The following SLC24A2 variants were observed in gnomAD, a reference collection of about 807,000 sequenced individuals.
The protein encoded by SLC24A2 is sodium/potassium/calcium exchanger 2.
In SLC24A2, 36 loss-of-function variants were observed where a neutral mutation model predicts 62.0. That is an observed-to-expected ratio of 0.58 (90% CI 0.44 to 0.77). The LOEUF (loss-of-function observed/expected upper bound fraction) is 0.77, where lower values mean the gene tolerates loss of function less well. Among genes scored for constraint, SLC24A2 ranks in the 30% least tolerant of loss-of-function variants. The pLI is 0.00. For missense variants in SLC24A2, 846 were observed against 817.9 expected, an observed-to-expected ratio of 1.03 and a Z score of -0.42; for synonymous variants, 358 against 294.0, an observed-to-expected ratio of 1.22 and a Z score of -2.23.
At chr9:20,253,933 G>C in the SLC24A2 span, among the ~76,000 whole-genome samples, 1 of 152,132 alleles carries the variant, frequency 6.6e-6, no homozygotes. Flanking sequence ...ATGTGGCTTG[G>C]GGTTGGTAAA....
chr9:20,273,979 C>A, the SLC24A2 span, among the ~76,000 whole-genome samples: 19 of 152,274 alleles, frequency 1.2e-4, no homozygotes, highest in South Asian at 3.9e-3. Context: ...CAGTCATGAG[C>A]CTTGTGATGG....
In SLC24A2 at chr9:19,679,265, C is replaced by T. The variant is rs191877997; in HGVS notation, c.931-56966G>A. Among the ~76,000 whole-genome samples the T allele has an allele frequency of 5.9e-5, 9 of 152,270 alleles. 1 individual carries two copies. In the East Asian group the frequency reaches 1.7e-3, roughly 29 times the overall value. On this transcript the variant is annotated intron_variant, in intron 2 of 10. Coordinates refer to ENST00000341998, the MANE Select transcript of SLC24A2 (RefSeq NM_020344.4). ...TCAATATTGGTTATCTCTAAGGATG[C>T]ATAAAGGTTTATTTCTATTACTTCC...
intron 2 of SLC24A2, among the ~76,000 whole-genome samples, chr9:19,651,924 G>A (rs909805397): frequency 4.6e-5 from 7 of 152,060 alleles, no homozygotes; most frequent in Non-Finnish European, 5.9e-5. Context: ...TCGACCACAC[G>A]GGTTTCCTCC....
chr9:19,573,661 C>G (rs1457595467), intron 6 of SLC24A2, among the ~76,000 whole-genome samples, 192 bp from the exon 7 acceptor site: 1 of 152,076 alleles, frequency 6.6e-6, no homozygotes, highest in Non-Finnish European at 1.5e-5. Context: ...AGGCCCAGGG[C>G]TGATATTGAG....
the SLC24A2 span, among the ~76,000 whole-genome samples, chr9:20,087,164 C>T: frequency 6.6e-6 from 1 of 152,176 alleles, no homozygotes; most frequent in African/African-American, 2.4e-5. Context: ...TAGAGACAGA[C>T]ATTAGTTCAT....
At chr9:20,012,461 G>A in the SLC24A2 span, among the ~76,000 whole-genome samples, 2 of 152,192 alleles carry the variant, frequency 1.3e-5, no homozygotes, top group African/African-American at 4.8e-5. Flanking sequence ...AAAATGAAAT[G>A]TGGGTGGGGA....
chr9:19,828,599 G>A, the SLC24A2 span, among the ~76,000 whole-genome samples: 1 of 152,202 alleles, frequency 6.6e-6, no homozygotes, highest in East Asian at 1.9e-4. Context: ...TTCACATTGG[G>A]ACTGGGCAAA....
chr9:20,195,073 A>G, the SLC24A2 span, among the ~76,000 whole-genome samples: 1 of 152,088 alleles, frequency 6.6e-6, no homozygotes, highest in East Asian at 1.9e-4. Context: ...TTTCTTCCCC[A>G]GCTCATGTTG....
At chr9:20,160,623 C>A in the SLC24A2 span, among the ~76,000 whole-genome samples, 1 of 150,828 alleles carries the variant, frequency 6.6e-6, no homozygotes, top group African/African-American at 2.4e-5. Context: ...TCAAAAAAAC[C>A]ATTTCATGTA....
chr9:19,853,112 C>T, the SLC24A2 span, among the ~76,000 whole-genome samples: 5 of 147,430 alleles, frequency 3.4e-5, no homozygotes, highest in African/African-American at 1.1e-4. Context: ...ATTTGGCCCT[C>T]TACTTATCTG....
At chr9:20,200,057 G>C in the SLC24A2 span, among the ~76,000 whole-genome samples, 2 of 151,866 alleles carry the variant, frequency 1.3e-5, no homozygotes, top group Non-Finnish European at 2.9e-5. Flanking sequence ...AATGAATATA[G>C]TCAGATCCTT....
chr9:19,921,484 G>C, the SLC24A2 span, among the ~76,000 whole-genome samples: 1 of 141,650 alleles, frequency 7.1e-6, no homozygotes, highest in Non-Finnish European at 1.5e-5. Flanking sequence ...CCACTGCACT[G>C]TCTCCAGCCT....
chr9:20,084,807 C>G, the SLC24A2 span, among the ~76,000 whole-genome samples: 1 of 152,058 alleles, frequency 6.6e-6, no homozygotes, highest in African/African-American at 2.4e-5. Flanking sequence ...GTACCATGAG[C>G]CTGATTATGC....
At chr9:20,026,811 A>G in the SLC24A2 span, among the ~76,000 whole-genome samples, 1 of 152,162 alleles carries the variant, frequency 6.6e-6, no homozygotes, top group Non-Finnish European at 1.5e-5. Context: ...CAACAAAAGC[A>G]AAAAACAGAC....
the SLC24A2 span, among the ~76,000 whole-genome samples, chr9:20,208,163 A>G: frequency 6.6e-6 from 1 of 152,200 alleles, no homozygotes; most frequent in African/African-American, 2.4e-5. Context: ...CCCTTAGGAA[A>G]TGTGTGCAGG....
chr9:20,290,025 C>A, the SLC24A2 span, among the ~76,000 whole-genome samples: 1 of 152,074 alleles, frequency 6.6e-6, no homozygotes, highest in Non-Finnish European at 1.5e-5. Context: ...TGCCCCAACC[C>A]TGGCTGAGCT....
the SLC24A2 span, among the ~76,000 whole-genome samples, chr9:20,217,126 C>T: frequency 6.6e-6 from 1 of 152,010 alleles, no homozygotes; most frequent in Non-Finnish European, 1.5e-5. Context: ...AGTGGAATAC[C>T]GTACAACAAT....
At chr9:20,225,560 T>TTATATATATATATATAA in the SLC24A2 span, among the ~76,000 whole-genome samples, 3 of 100,270 alleles carry the variant, frequency 3.0e-5, no homozygotes, top group Non-Finnish European at 5.4e-5. Flanking sequence ...ACTATATATA[T>TTATATATATATATATAA]TATATATATA....
chr9:19,904,188 A>C, the SLC24A2 span, among the ~76,000 whole-genome samples: 2 of 152,204 alleles, frequency 1.3e-5, no homozygotes, highest in African/African-American at 4.8e-5. Flanking sequence ...CTTGGGCACC[A>C]TCCTGGAACT....
Sources: allele counts gnomAD v4.1 joint callset (sites outside exome capture counted in the v4.1 genomes callset), GRCh38; gene constraint gnomAD v4.1.1; transcripts MANE v1.5; gene names NCBI Gene and HGNC (gene_info 2026-07-23, HGNC 2026-07-21).